The following NKAIN2 variants were observed in gnomAD, a reference collection of about 807,000 sequenced individuals.
NKAIN2 encodes sodium/potassium transporting ATPase interacting 2.
NKAIN2 carries 14 observed loss-of-function variants against 32.6 expected under a neutral mutation model. The ratio of observed to expected loss-of-function variants is 0.43; its 90% CI spans 0.28 to 0.67. The LOEUF (loss-of-function observed/expected upper bound fraction) is 0.67, where lower values mean the gene tolerates loss of function less well. Among genes scored for constraint, NKAIN2 ranks in the 30% least tolerant of loss-of-function variants. The pLI, the probability that NKAIN2 is intolerant of heterozygous loss-of-function variation, is 0.17. For missense variants in NKAIN2, 198 were observed against 258.3 expected (o/e 0.77, Z 1.60); for synonymous variants, 80 against 87.2 (o/e 0.92, Z 0.46).
At chr6:124,431,016 TTTA>T (rs1775196541) in intron 3 of NKAIN2, among the ~76,000 whole-genome samples, 1 of 152,196 alleles carries the variant, frequency 6.6e-6, no homozygotes, top group African/African-American at 2.4e-5. Flanking sequence ...TAAATGGAAC[TTTA>T]TTGAGTGAAA....
chr6:124,472,445 T>G (rs931095738), intron 3 of NKAIN2, among the ~76,000 whole-genome samples: 1 of 152,076 alleles, frequency 6.6e-6, no homozygotes, highest in African/African-American at 2.4e-5. Context: ...TGCTACATAG[T>G]CATCTGTACA....
intron 3 of NKAIN2, among the ~76,000 whole-genome samples, chr6:124,613,966 AACC>A (rs1226264944): frequency 6.6e-6 from 1 of 152,212 alleles, no homozygotes; most frequent in Non-Finnish European, 1.5e-5. Context: ...TTAAGCAAGT[AACC>A]ACAATTCACA....
intron 2 of NKAIN2, among the ~76,000 whole-genome samples, chr6:124,334,429 T>A (rs191137809): frequency 2.6e-5 from 4 of 152,252 alleles, no homozygotes; most frequent in Admixed American, 2.6e-4. Flanking sequence ...AATCAGTCCC[T>A]TCGAAAATTT....
intron 1 of NKAIN2, among the ~76,000 whole-genome samples, chr6:123,929,526 C>CT (rs1776157407): frequency 6.6e-6 from 1 of 152,108 alleles, no homozygotes; most frequent in Non-Finnish European, 1.5e-5. Context: ...GAAAATCTAA[C>CT]TTTTTGCATG....
intron 1 of NKAIN2, among the ~76,000 whole-genome samples, chr6:123,869,746 A>G (rs1183542352): frequency 6.6e-6 from 1 of 152,204 alleles, no homozygotes; most frequent in Non-Finnish European, 1.5e-5. Context: ...TCTGTCCATG[A>G]TACCCACTTA....
At chr6:123,941,389 C>T (rs946267849) in intron 1 of NKAIN2, among the ~76,000 whole-genome samples, 1 of 151,608 alleles carries the variant, frequency 6.6e-6, no homozygotes, top group Admixed American at 6.6e-5. Context: ...GTTATATATA[C>T]TGTACATAAT....
chr6:123,886,748 A>C (rs1464785610), intron 1 of NKAIN2, among the ~76,000 whole-genome samples: 1 of 152,178 alleles, frequency 6.6e-6, no homozygotes, highest in Non-Finnish European at 1.5e-5. Flanking sequence ...TCAGTTGGTC[A>C]GTTCTTTCAG....
intron 1 of NKAIN2, among the ~76,000 whole-genome samples, chr6:124,229,228 C>T (rs1792293241): frequency 6.6e-6 from 1 of 152,072 alleles, no homozygotes; most frequent in Non-Finnish European, 1.5e-5. Context: ...GCAAGTGTGA[C>T]ACAAGTTAAT....
At chr6:124,410,977 T>C (rs1774143812) in intron 3 of NKAIN2, among the ~76,000 whole-genome samples, 1 of 152,098 alleles carries the variant, frequency 6.6e-6, no homozygotes, top group Non-Finnish European at 1.5e-5. Context: ...GTTTAAAGTC[T>C]GTTTTATCAG....
intron 5 of NKAIN2, among the ~76,000 whole-genome samples, chr6:124,800,150 G>C (rs143562535): frequency 3.9e-5 from 6 of 152,322 alleles, no homozygotes; most frequent in African/African-American, 1.2e-4. Context: ...TTCAAAGTTA[G>C]TCTCTTGACG....
At chr6:124,664,793 C>CAAAAAAAAAAA (rs57032378) in intron 4 of NKAIN2, among the ~76,000 whole-genome samples, 6 of 40,806 alleles carry the variant, frequency 1.5e-4, no homozygotes, top group African/African-American at 5.9e-4. Context: ...GACTCCGTCT[C>CAAAAAAAAAAA]AAAAAAAAAA....
intron 5 of NKAIN2, among the ~76,000 whole-genome samples, chr6:124,807,710 T>C (rs868392461): frequency 6.6e-6 from 1 of 151,364 alleles, no homozygotes; most frequent in Non-Finnish European, 1.5e-5. Context: ...AGCTGGTTTT[T>C]TGAAAGGATC....
chr6:124,524,915 G>A (rs889864907), intron 3 of NKAIN2, among the ~76,000 whole-genome samples: 2 of 152,182 alleles, frequency 1.3e-5, no homozygotes, highest in Non-Finnish European at 2.9e-5. Context: ...GTAGATGTCA[G>A]ATAAAATCCC....
chr6:124,186,317 C>G (rs1479228667), intron 1 of NKAIN2, among the ~76,000 whole-genome samples: 1 of 151,920 alleles, frequency 6.6e-6, no homozygotes. Context: ...GTGGTGTATG[C>G]CAGTAGTCCT....
At position 124,176,842 on chromosome 6, in the gene NKAIN2, C is replaced by T. The variant is rs534448363; in HGVS notation, c.55-106163C>T. Among the ~76,000 whole-genome samples the T allele has an allele frequency of 2.6e-5, 4 of 152,164 alleles. No homozygotes were observed. In the East Asian group the frequency reaches 5.8e-4, roughly 22 times the overall value. ...TGTGTGTATTCTTTTGTTAACATCT[C>T]ATACATTTTCCTATTTTTATTTTCA... On this transcript the variant is annotated intron_variant, in intron 1 of 6. Coordinates refer to ENST00000368417, the MANE Select transcript of NKAIN2 (RefSeq NM_001040214.3).
intron 1 of NKAIN2, among the ~76,000 whole-genome samples, chr6:123,997,405 G>A (rs556871326): frequency 6.6e-6 from 1 of 152,138 alleles, no homozygotes; most frequent in African/African-American, 2.4e-5. Flanking sequence ...ACGTTCAAGT[G>A]GCCTCCAGGT....
intron 1 of NKAIN2, among the ~76,000 whole-genome samples, chr6:124,014,968 T>C (rs1215813673): frequency 6.6e-6 from 1 of 152,172 alleles, no homozygotes; most frequent in Admixed American, 6.5e-5. Flanking sequence ...ACATACACTC[T>C]TACACACTGT....
chr6:123,836,796 G>C (rs994175708), intron 1 of NKAIN2, among the ~76,000 whole-genome samples: 39 of 152,174 alleles, frequency 2.6e-4, no homozygotes, highest in African/African-American at 8.9e-4. Context: ...TGTGGTGAAG[G>C]TTACACAGGA....
intron 3 of NKAIN2, among the ~76,000 whole-genome samples, chr6:124,409,338 G>T (rs369012690): frequency 1.3e-5 from 2 of 152,022 alleles, no homozygotes; most frequent in Non-Finnish European, 2.9e-5. Flanking sequence ...GTTTGTCATA[G>T]ATAGCTCTTA....
Sources: allele counts gnomAD v4.1 joint callset (sites outside exome capture counted in the v4.1 genomes callset), GRCh38; gene constraint gnomAD v4.1.1; transcripts MANE v1.5; gene names NCBI Gene and HGNC (gene_info 2026-07-23, HGNC 2026-07-21).